TRIO: variants seen among roughly 807,000 people sequenced by gnomAD.
TRIO encodes the protein triple functional domain protein.
In TRIO, 58 loss-of-function variants were observed where a neutral mutation model predicts 351.9. The ratio of observed to expected loss-of-function variants is 0.16; its 90% CI spans 0.13 to 0.21. The LOEUF (loss-of-function observed/expected upper bound fraction) is 0.21, where lower values mean the gene tolerates loss of function less well. TRIO is among the 10% of genes least tolerant of loss of function. The pLI, the probability that TRIO is intolerant of heterozygous loss-of-function variation, is 1.00. For missense variants in TRIO, 3,201 were observed against 4,027.8 expected (o/e 0.79, Z 5.56); for synonymous variants, 1,758 against 1,595.7 (o/e 1.10, Z -2.42).
rs1403282291 is a variant in TRIO, at chr5:14,509,238, TG to T, written c.*821del. On this transcript the variant is annotated 3_prime_UTR_variant, in exon 57 of 57. Transcript: ENST00000344204. ...ATGAAAATACTGTAAATGCACTCAT[TG>T]GGGGTTTTTTGGTTTTACTTCATAT... The T allele has an allele frequency of 2.9e-6, 1 of 350,186 alleles. No individual in the cohort carries two copies. The highest frequency in any genetic ancestry group is 5.5e-6 in the Non-Finnish European group (1 of 181,080). The allele number at this position is 350,186 out of a possible 1,614,324, so 21.7% of individuals were successfully genotyped here.
At chr5:14,490,801 A>C in intron 48 of TRIO, 1 of 456,036 alleles carries the variant, frequency 2.2e-6, no homozygotes, top group Non-Finnish European at 4.4e-6. Flanking sequence ...TATATTACCA[A>C]AAGCAGCTGT....
rs558332867 is a variant in TRIO, at chr5:14,223,499, T to A, written c.158-47326T>A. On this transcript the variant is annotated intron_variant, in intron 1 of 56. Coordinates refer to ENST00000344204, the MANE Select transcript of TRIO (RefSeq NM_007118.4). Reference sequence around the variant, plus strand: ...TGTGTCCTATTCACCAAGGCAAGCATTGGGAACAGGGCGGTGGAGCAACTA... The same window carrying A: ...TGTGTCCTATTCACCAAGGCAAGCAATGGGAACAGGGCGGTGGAGCAACTA... 2.6e-5 allele frequency among the ~76,000 whole-genome samples: 4 copies of A among 152,250 alleles called. No individual in the cohort carries two copies. In the East Asian group the frequency reaches 7.7e-4, roughly 29 times the overall value.
rs778203334 is a variant in TRIO at position 14,504,439 on chromosome 5, C to T, written c.8458C>T (p.Arg2820Ter). 1.2e-6 allele frequency: 2 copies of T among 1,614,032 alleles called. No individual in the cohort carries two copies. Among genetic ancestry groups the T allele is most frequent in the Non-Finnish European group, 8.5e-7 (1 of 1,180,028 alleles). ...GAAATGTGATCAGAAAGGAACCAAGCGAGCAGTGGCCACTAAGTTTGTGAA... is the reference window on the plus strand; with the variant it reads ...GAAATGTGATCAGAAAGGAACCAAGTGAGCAGTGGCCACTAAGTTTGTGAA... ...VKKCDQKGTK[R>*]AVATKFVNKK... Residue 2820 changes from arginine (R) to a stop codon, truncating the protein, a stop_gained, in exon 55 of 57, where the codon CGA becomes TGA. Coordinates refer to ENST00000344204, the MANE Select transcript of TRIO (RefSeq NM_007118.4). LOFTEE classifies it high-confidence loss of function.
intron 1 of TRIO, among the ~76,000 whole-genome samples, chr5:14,171,579 G>T (rs182459924): frequency 6.6e-6 from 1 of 152,326 alleles, no homozygotes; most frequent in Non-Finnish European, 1.5e-5. Context: ...ATCACCGGTG[G>T]AGGTACAGAT....
chr5:14,378,233 T>C, intron 20 of TRIO, 106 bp downstream of exon 20: 2 of 813,608 alleles, frequency 2.5e-6, no homozygotes, highest in Non-Finnish European at 4.0e-6. Flanking sequence ...AACCACTTTC[T>C]AATGACAAAC....
intron 1 of TRIO, among the ~76,000 whole-genome samples, chr5:14,190,619 G>GTA (rs1299848946): frequency 1.3e-5 from 2 of 152,118 alleles, no homozygotes; most frequent in African/African-American, 4.8e-5. Flanking sequence ...TGAAATGTCT[G>GTA]TATAAAGAAT....
chr5:14,212,393 G>A (rs1431169954), intron 1 of TRIO, among the ~76,000 whole-genome samples: 4 of 152,064 alleles, frequency 2.6e-5, no homozygotes, highest in Admixed American at 1.3e-4. Flanking sequence ...TGGAACCTTC[G>A]GGGAACTCCA....
intron 31 of TRIO, among the ~76,000 whole-genome samples, chr5:14,402,304 C>G (rs1190774233): frequency 1.3e-5 from 2 of 152,184 alleles, no homozygotes; most frequent in Non-Finnish European, 2.9e-5. Context: ...TCTGGACTTT[C>G]ATTTAGGATG....
chr5:14,203,341 T>TAAAAC lies in TRIO; in HGVS notation c.157+59461_157+59465dup, dbSNP rs1561197401. Among the ~76,000 whole-genome samples, 3 of 152,316 alleles carry TAAAAC rather than the reference T, an allele frequency of 2.0e-5. No individual in the cohort carries two copies. In the South Asian group the frequency reaches 6.2e-4, roughly 32 times the overall value. ...TGATTGCTTTTTGGTATCTTAAAAG[T>TAAAAC]AAAACAGCTTCATTCCTTGTGTCCA... On this transcript the variant is annotated intron_variant, in intron 1 of 56. Transcript: ENST00000344204.
chr5:14,481,415 T>A, intron 44 of TRIO, 126 bp from the exon 45 acceptor site: 1 of 1,467,362 alleles, frequency 6.8e-7, no homozygotes, highest in South Asian at 1.2e-5. Flanking sequence ...CTCCAGTGCA[T>A]CTCCATAAGC....
chr5:14,336,437 A>G, intron 10 of TRIO, 99 bp from the exon 11 acceptor site: 1 of 1,257,932 alleles, frequency 7.9e-7, no homozygotes, highest in Non-Finnish European at 1.1e-6. Context: ...GTGATCAAAA[A>G]TATCACAAAT....
intron 34 of TRIO, among the ~76,000 whole-genome samples, chr5:14,454,996 C>G (rs1014721219): frequency 1.3e-5 from 2 of 151,520 alleles, no homozygotes; most frequent in Non-Finnish European, 2.9e-5. Context: ...GTTTGTATCT[C>G]TTGTCCAGAG....
intron 1 of TRIO, among the ~76,000 whole-genome samples, chr5:14,238,787 C>A (rs1259173436): frequency 6.6e-6 from 1 of 152,102 alleles, no homozygotes; most frequent in Non-Finnish European, 1.5e-5. Flanking sequence ...AAATGTTTTC[C>A]ACTTGGTCTT....
intron 48 of TRIO, among the ~76,000 whole-genome samples, chr5:14,490,401 C>G (rs550857724): frequency 1.3e-5 from 2 of 152,346 alleles, no homozygotes; most frequent in East Asian, 1.9e-4. Context: ...AGCCCACAGC[C>G]CGGCTCCCTC....
At chr5:14,190,806 A>G (rs540142898) in intron 1 of TRIO, among the ~76,000 whole-genome samples, 9 of 152,254 alleles carry the variant, frequency 5.9e-5, no homozygotes, top group Non-Finnish European at 1.0e-4. Flanking sequence ...TGTTATGATC[A>G]CCTCAGAAGT....
intron 9 of TRIO, among the ~76,000 whole-genome samples, chr5:14,322,819 G>A (rs1380530390): frequency 6.6e-6 from 1 of 152,198 alleles, no homozygotes; most frequent in Non-Finnish European, 1.5e-5. Context: ...ATGGCTACAG[G>A]ATTGCCATCT....
chr5:14,163,314 T>C (rs1788583276), intron 1 of TRIO, among the ~76,000 whole-genome samples: 1 of 152,230 alleles, frequency 6.6e-6, no homozygotes, highest in African/African-American at 2.4e-5. Flanking sequence ...AATGATGGCT[T>C]CCCACTTCAT....
At chr5:14,201,114 G>C (rs1457594420) in intron 1 of TRIO, among the ~76,000 whole-genome samples, 1 of 151,994 alleles carries the variant, frequency 6.6e-6, no homozygotes, top group Non-Finnish European at 1.5e-5. Context: ...AAAAATTTTA[G>C]CCGGGCGTTG....
Position 14,487,853 on chromosome 5 carries a change from A to G in TRIO, c.7225A>G (p.Ile2409Val). Residue 2409 changes from isoleucine (I) to valine (V), a missense_variant, in exon 48 of 57, where the codon ATC becomes GTC. Coordinates refer to ENST00000344204, the MANE Select transcript of TRIO (RefSeq NM_007118.4). Reference protein sequence around the residue: ...AEGSEREAEPIPKMKVLESPR... With the variant: ...AEGSEREAEPVPKMKVLESPR... ...GGGGTCCGAGCGAGAAGCGGAGCCG[A>G]TCCCCAAGATGAAGGTGCTGGAGAG... The G allele has an allele frequency of 6.5e-7, 1 of 1,528,926 alleles. No individual in the cohort carries two copies. Among genetic ancestry groups the G allele is most frequent in the Non-Finnish European group, 8.8e-7 (1 of 1,137,818 alleles). 94.7% of individuals were successfully genotyped at this position (1,528,926 alleles called of 1,614,324 possible). A position where few individuals can be genotyped will look rare whatever the true frequency, so the allele number is the denominator to read the frequency against.
Sources: gnomAD v4.1 joint callset for allele counts (sites outside exome capture counted in the v4.1 genomes callset) on GRCh38, gnomAD v4.1.1 for gene constraint, MANE v1.5 for transcripts, NCBI Gene and HGNC (gene_info 2026-07-23, HGNC 2026-07-21) for gene names.